The following CEP131 variants were observed in gnomAD, a reference collection of about 807,000 sequenced individuals.
The protein encoded by CEP131 is centrosomal protein 131.
CEP131 carries 99 observed loss-of-function variants against 136.8 expected under a neutral mutation model. The ratio of observed to expected loss-of-function variants is 0.72; its 90% CI spans 0.62 to 0.86. CEP131 has a LOEUF of 0.86. Ranked by LOEUF, CEP131 falls within the 40% of genes least tolerant of loss-of-function variation. The pLI, the probability that CEP131 is intolerant of heterozygous loss-of-function variation, is 0.00. For missense variants in CEP131, 1,459 were observed against 1,463.0 expected, an observed-to-expected ratio of 1.00 and a Z score of 0.04; for synonymous variants, 646 against 612.7, an observed-to-expected ratio of 1.05 and a Z score of -0.80.
chr17:81,190,384 G>A (rs544729931), intron 24 of CEP131, among the ~76,000 whole-genome samples: 4 of 152,272 alleles, frequency 2.6e-5, no homozygotes, highest in Admixed American at 2.0e-4. Flanking sequence ...TGGAGAACTC[G>A]CCAGGCCCAG....
chr17:81,190,819 G>A lies in CEP131; in HGVS notation c.2944-17C>T. ...CTCGTTCACCTGGGTGGGCACAGAA[G>A]GCAGTGAGCCGGCTGCCAGCGACTG... On this transcript the variant is annotated splice_polypyrimidine_tract_variant and intron_variant, in intron 23 of 25. Transcript: ENST00000450824. The A allele has an allele frequency of 6.3e-7, 1 of 1,596,676 alleles. No individual in the cohort carries two copies. The highest frequency in any genetic ancestry group is 1.1e-5 in the South Asian group (1 of 89,666).
Position 81,198,038 on chromosome 17 carries a change from C to T in CEP131, c.1470+77G>A, listed in dbSNP as rs569007467. 107 of 1,483,710 alleles carry T rather than the reference C, an allele frequency of 7.2e-5. 1 individual carries two copies. The South Asian group carries it at 1.4e-3, about 19-fold the overall frequency. The allele number at this position is 1,483,710 out of a possible 1,614,324, so 91.9% of individuals were successfully genotyped here. ...GCCTGTGGCATCCCCATTTTCCCAA[C>T]CCCCACAGCCACCGCATGCTCTGTG... On this transcript the variant is annotated intron_variant, in intron 12 of 25. Transcript: ENST00000450824.
At position 81,194,082 on chromosome 17, in the gene CEP131, T is replaced by A. The variant is rs1481704611; in HGVS notation, c.2165A>T (p.Glu722Val). The change falls in exon 18 of 26, where the codon GAA (glutamate) becomes GTA (valine). Residue 722 changes from glutamate (E) to valine (V), a missense_variant. Physicochemically the swap from Glu to Val is moderately radical, Grantham distance 121. Transcript: ENST00000450824. ...GTGCAGGCTCTTGAGCCTCCGCACT[T>A]CCTGCTTGTGCCTTGCAATCAGCTT... ...IQKLIARHKQ[E>V]VRRLKSLHEA... The A allele has an allele frequency of 1.3e-6, 2 of 1,577,160 alleles. No individual in the cohort carries two copies. Among genetic ancestry groups the A allele is most frequent in the African/African-American group, 2.7e-5 (2 of 72,876 alleles).
rs985708431 is a variant in CEP131 at position 81,195,958 on chromosome 17, T to C, written c.1900-7A>G. On this transcript the variant is annotated splice_polypyrimidine_tract_variant and splice_region_variant and intron_variant, in intron 15 of 25. Transcript: ENST00000450824. ...CCTTCTTGTCCTCAATCAGCTGTGT[T>C]GGGGACCGGAGGTGAGGTGCTACAC... is the stretch of plus-strand genomic sequence containing the variant. The C allele has an allele frequency of 1.9e-6, 3 of 1,606,850 alleles. No individual in the cohort carries two copies. The highest frequency in any genetic ancestry group is 1.1e-5 in the South Asian group (1 of 91,004).
In CEP131 at chr17:81,190,659, C is replaced by A; in HGVS notation, c.3087G>T (p.Glu1029Asp). Residue 1029 changes from glutamate (E) to aspartate (D), a missense_variant, in exon 24 of 26, where the codon GAG (glutamate) becomes GAT (aspartate). By Grantham distance (45) the Glu-to-Asp change is conservative (BLOSUM62 2). Transcript: ENST00000450824. ...CCCACCTCCGGTGCACCTCCTCCAGCTCCAGCTGCTGGCGGGCCTGCAGCG... is the reference window on the plus strand; with the variant it reads ...CCCACCTCCGGTGCACCTCCTCCAGATCCAGCTGCTGGCGGGCCTGCAGCG... ...LATLQARQQL[E>D]LEEVHRRVKT... The A allele has an allele frequency of 6.3e-7, 1 of 1,596,672 alleles. No homozygotes were observed. Among genetic ancestry groups the A allele is most frequent in the South Asian group, 1.1e-5 (1 of 89,980 alleles).
intron 3 of CEP131, 25 bp from the exon 4 acceptor site, chr17:81,207,264 CAAGGA>C (rs1567871795): frequency 3.7e-6 from 6 of 1,607,756 alleles, no homozygotes; most frequent in Non-Finnish European, 3.4e-6. Flanking sequence ...GGGCGGCACA[CAAGGA>C]AAGAGTCACC....
intron 21 of CEP131, 39 bp from the exon 22 acceptor site, chr17:81,191,374 G>C (rs760138708): frequency 5.0e-6 from 8 of 1,609,818 alleles, no homozygotes; most frequent in Non-Finnish European, 4.2e-6. Context: ...GCCACCCGGA[G>C]CCGGCCCGCG....
In CEP131 at chr17:81,208,253, G is replaced by C. The variant is rs770672690; in HGVS notation, c.272+675C>G. On this transcript the variant is annotated intron_variant, in intron 3 of 25. Coordinates refer to ENST00000450824, the MANE Select transcript of CEP131 (RefSeq NM_014984.4). This position sits in a 1 kb window ranked among gnomAD's most constrained non-coding sequence, Gnocchi z 5.6. ...ATAGGGTGTGGTGGCCGCAGTTCTT[G>C]GTCTTCCCAGGAAGGGTCCACCCGG... 1.2e-4 allele frequency among the ~76,000 whole-genome samples: 18 copies of C among 152,166 alleles called. No individual in the cohort carries two copies. The highest frequency in any genetic ancestry group is 2.4e-4 in the Non-Finnish European group (16 of 68,018).
Position 81,196,755 on chromosome 17 carries a change from C to T in CEP131, c.1845G>A (p.Arg615=). 1 of 1,599,832 alleles carries T rather than the reference C, an allele frequency of 6.3e-7. No individual in the cohort carries two copies. Residue 615 remains arginine, a synonymous_variant, in exon 15 of 26, where the codon CGG becomes CGA. Transcript: ENST00000450824. ...TGGTGGCCTCGTAGTGCTCCCTCTG[C>T]CGCTGCAGCTGCCGGCTCAGCGCCT... is the stretch of plus-strand genomic sequence containing the variant. ...TEKALSRQLQ[R]QREHYEATIQ... is the part of the protein sequence containing the mutation.
chr17:81,189,736 T>G lies in CEP131; in HGVS notation c.*33A>C. The G allele has an allele frequency of 6.4e-7, 1 of 1,563,712 alleles. No individual in the cohort carries two copies. Among genetic ancestry groups the G allele is most frequent in the Non-Finnish European group, 8.7e-7 (1 of 1,151,248 alleles). On this transcript the variant is annotated 3_prime_UTR_variant, in exon 26 of 26. Transcript: ENST00000450824. ...CACGTCCAGCCTCTGTCCTCTGCCT[T>G]CCGTTCTTCGACAGTGTTCCCGGCA...
chr17:81,192,337 G>T lies in CEP131; in HGVS notation c.2603C>A (p.Ala868Asp). 1 of 1,567,518 alleles carries T rather than the reference G, an allele frequency of 6.4e-7. No individual in the cohort carries two copies. ...QLELERQAWE[A>D]GRTRKEEAWL... ...CCCCACCTCCTTCCTGGTGCGGCCG[G>T]CCTCCCACGCCTGCCTCTCCAGCTC... The change falls in exon 21 of 26, where the codon GCC (alanine) becomes GAC (aspartate). Residue 868 changes from alanine to aspartate, a missense_variant. Around this residue, in one of 3 missense-constraint regions of CEP131, gnomAD observed 1,026 missense variants for 964.2 expected, o/e 1.06. Coordinates refer to ENST00000450824, the MANE Select transcript of CEP131 (RefSeq NM_014984.4).
intron 2 of CEP131, among the ~76,000 whole-genome samples, chr17:81,214,281 C>T (rs1421185706): frequency 6.6e-6 from 1 of 152,170 alleles, no homozygotes; most frequent in Non-Finnish European, 1.5e-5. Context: ...TACAGTCACG[C>T]CGGAGGCTCA....
chr17:81,205,691 G>C (rs1467011410), intron 5 of CEP131, among the ~76,000 whole-genome samples: 7 of 152,026 alleles, frequency 4.6e-5, no homozygotes, highest in Non-Finnish European at 8.8e-5. Context: ...CCGAGCCCAG[G>C]AGTTTGAGAC....
chr17:81,194,227 C>A, intron 17 of CEP131, 100 bp from the exon 18 acceptor site: 1 of 1,172,140 alleles, frequency 8.5e-7, no homozygotes, highest in Non-Finnish European at 1.2e-6. Flanking sequence ...AGAGGGGACC[C>A]CGCCCACCCA....
In CEP131 at chr17:81,203,256, G is replaced by A. The variant is rs369863257; in HGVS notation, c.629+238C>T. ...AGCTGCCGACCCAAGAACAGAAGAG[G>A]GCGGCGGACGTGGATGGGGAGCCCG... On this transcript the variant is annotated intron_variant, in intron 6 of 25. Transcript: ENST00000450824. This position sits in a 1 kb window ranked among gnomAD's most constrained non-coding sequence, Gnocchi z 4.6. Among the ~76,000 whole-genome samples, 50 of 152,318 alleles carry A rather than the reference G, an allele frequency of 3.3e-4. 1 individual carries two copies. The East Asian group carries it at 6.4e-3, about 19-fold the overall frequency.
At chr17:81,195,312 T>C (rs1343803254) in intron 16 of CEP131, among the ~76,000 whole-genome samples, 1 of 152,082 alleles carries the variant, frequency 6.6e-6, no homozygotes, top group Non-Finnish European at 1.5e-5. Context: ...CAACCCCGGC[T>C]GTCAGCCACA....
In CEP131 at chr17:81,208,019, CCA is replaced by C. The variant is rs1318110199; in HGVS notation, c.273-782_273-781del. Among the ~76,000 whole-genome samples, 1 of 110,098 alleles carries C rather than the reference CCA, an allele frequency of 9.1e-6. No individual in the cohort carries two copies. Among genetic ancestry groups the C allele is most frequent in the Non-Finnish European group, 2.0e-5 (1 of 49,896 alleles). 72.2% of individuals were successfully genotyped at this position (110,098 alleles called of 152,430 possible). A position where few individuals can be genotyped will look rare whatever the true frequency, so the allele number is the denominator to read the frequency against. On this transcript the variant is annotated intron_variant, in intron 3 of 25. Transcript: ENST00000450824. This position sits in a 1 kb window ranked among gnomAD's most constrained non-coding sequence, Gnocchi z 5.6. ...ACACCCCAGACACACACCACTCACA[CCA>C]CACACCCACACACCACACACCCCCC...
rs77753873 is a variant in CEP131, at chr17:81,208,507, G to A, written c.272+421C>T. 5.3e-5 allele frequency among the ~76,000 whole-genome samples: 8 copies of A among 152,214 alleles called. No homozygotes were observed. Among genetic ancestry groups the A allele is most frequent in the Non-Finnish European group, 7.3e-5 (5 of 68,032 alleles). On this transcript the variant is annotated intron_variant, in intron 3 of 25. Transcript: ENST00000450824. The surrounding 1 kb of genome is among the most constrained non-coding windows in gnomAD (Gnocchi z 5.6). Reference sequence around the variant, plus strand: ...TCCCCAGCCCGCTGGTTTGGAGGCCGCAAGGGACAGTGGCAGGGTTTAAGT... The same window carrying A: ...TCCCCAGCCCGCTGGTTTGGAGGCCACAAGGGACAGTGGCAGGGTTTAAGT...
intron 12 of CEP131, 47 bp from the exon 13 acceptor site, chr17:81,197,935 G>A (rs757415715): frequency 5.1e-6 from 8 of 1,583,984 alleles, no homozygotes; most frequent in Middle Eastern, 1.7e-4. Flanking sequence ...GCAGCCTGAG[G>A]ACTTGGGTTC....
Sources: gnomAD v4.1 joint callset for allele counts (sites outside exome capture counted in the v4.1 genomes callset) on GRCh38, gnomAD v4.1.1 for gene constraint, gnomAD v4.1.1 regional missense constraint, Gnocchi (gnomAD v3.1) non-coding constraint, MANE v1.5 for transcripts, NCBI Gene and HGNC (gene_info 2026-07-23, HGNC 2026-07-21) for gene names.